IST1: variants seen among roughly 807,000 people sequenced by gnomAD.
IST1 encodes IST1 homolog.
Under a neutral mutation model 37.0 loss-of-function variants are expected in IST1, and 23 were observed. That is an observed-to-expected ratio of 0.62 (90% CI 0.45 to 0.88). The LOEUF (loss-of-function observed/expected upper bound fraction) is 0.88. IST1 is among the 40% of genes least tolerant of loss of function. The probability of loss-of-function intolerance (pLI) is 0.00; values close to 1 mark genes in which losing one functional copy is unlikely to be tolerated. For missense variants in IST1, 488 were observed against 445.4 expected (o/e 1.10, Z -0.86); for synonymous variants, 180 against 161.7 (o/e 1.11, Z -0.86).
At chr16:71,925,521 G>T (rs1211308764) in intron 9 of IST1, among the ~76,000 whole-genome samples, 1 of 150,294 alleles carries the variant, frequency 6.7e-6, no homozygotes, top group Non-Finnish European at 1.5e-5. Flanking sequence ...TCACCACGTT[G>T]GTCAGGCTGG....
At chr16:71,915,151 A>T (rs2142565370) in intron 1 of IST1, among the ~76,000 whole-genome samples, 1 of 152,208 alleles carries the variant, frequency 6.6e-6, no homozygotes, top group Non-Finnish European at 1.5e-5. Flanking sequence ...AGATGAAAAT[A>T]TTTTCAATTA....
In IST1 at chr16:71,927,984, G is replaced by T. The variant is rs1305249696; in HGVS notation, c.*171G>T. 1.7e-6 allele frequency: 1 copy of T among 598,226 alleles called. No individual in the cohort carries two copies. Among genetic ancestry groups the T allele is most frequent in the Non-Finnish European group, 3.0e-6 (1 of 336,590 alleles). The allele number at this position is 598,226 out of a possible 1,614,324, so 37.1% of individuals were successfully genotyped here. A position where few individuals can be genotyped will look rare whatever the true frequency, so the allele number is the denominator to read the frequency against. ...AGATTCTGCTGCTTTCCAGTTCTCT[G>T]TTGATCCTGAGACTAACAATTGGAG... is the stretch of plus-strand genomic sequence containing the variant. On this transcript the variant is annotated 3_prime_UTR_variant, in exon 10 of 10. Coordinates refer to ENST00000378799, the MANE Select transcript of IST1 (RefSeq NM_001270975.2).
intron 7 of IST1, 145 bp from the exon 8 acceptor site, chr16:71,923,143 C>G (rs1034485957): frequency 2.0e-6 from 1 of 500,424 alleles, no homozygotes; most frequent in Non-Finnish European, 3.5e-6. Flanking sequence ...ACATGTGGTC[C>G]TTTTGGGCAT....
At chr16:71,910,122 G>C (rs1460178387) in intron 1 of IST1, among the ~76,000 whole-genome samples, 2 of 152,192 alleles carry the variant, frequency 1.3e-5, no homozygotes, top group Admixed American at 6.5e-5. Context: ...CTTTGGTCAA[G>C]TGTGGTCTAA....
intron 1 of IST1, among the ~76,000 whole-genome samples, chr16:71,897,693 C>T (rs1471560810): frequency 6.6e-6 from 1 of 152,154 alleles, no homozygotes. Flanking sequence ...CGCCTGTAAT[C>T]CCAGCACTTT....
At chr16:71,917,775 C>A (rs562446771) in intron 4 of IST1, among the ~76,000 whole-genome samples, 2 of 152,168 alleles carry the variant, frequency 1.3e-5, no homozygotes, top group Non-Finnish European at 1.5e-5. Flanking sequence ...AGGTTTTTTT[C>A]AAGAGCTCTT....
chr16:71,894,847 T>G (rs1313796275), upstream of IST1: 1 of 1,533,870 alleles, frequency 6.5e-7, no homozygotes, highest in Non-Finnish European at 8.7e-7. Context: ...GGTTTTCAAG[T>G]TAAAAACAAA....
intron 1 of IST1, among the ~76,000 whole-genome samples, chr16:71,896,165 G>C (rs1433147306): frequency 1.3e-5 from 2 of 152,072 alleles, no homozygotes; most frequent in Non-Finnish European, 2.9e-5. Flanking sequence ...CCGCTTTCTC[G>C]GATCCCTGCG....
intron 4 of IST1, among the ~76,000 whole-genome samples, chr16:71,920,263 G>C (rs1372911638): frequency 6.6e-6 from 1 of 152,166 alleles, no homozygotes; most frequent in Non-Finnish European, 1.5e-5. Context: ...AGATATCTTG[G>C]TTAAAGTACA....
At position 71,929,672 on chromosome 16, in the gene IST1, CTTCT is replaced by C. The variant is rs778156244; in HGVS notation, c.*1864_*1867del. 14 of 1,544,690 alleles carry C rather than the reference CTTCT, an allele frequency of 9.1e-6. No homozygotes were observed. Among genetic ancestry groups the C allele is most frequent in the South Asian group, 7.3e-5 (6 of 82,220 alleles). Reference sequence around the variant, plus strand: ...TGTAGCAGTGTATCTATTAGTGCAGCTTCTTTCTGAGTATTGAAGACAAAAAGAG... The same window carrying C: ...TGTAGCAGTGTATCTATTAGTGCAGCTTCTGAGTATTGAAGACAAAAAGAG... On this transcript the variant is annotated 3_prime_UTR_variant, in exon 10 of 10. Coordinates refer to ENST00000378799, the MANE Select transcript of IST1 (RefSeq NM_001270975.2).
chr16:71,916,750 GC>G, intron 3 of IST1, 108 bp downstream of exon 3: 4 of 925,768 alleles, frequency 4.3e-6, no homozygotes, highest in South Asian at 1.9e-5. Context: ...AGGATCTGCT[GC>G]CTAACAGTTG....
chr16:71,914,547 A>G (rs918255205), intron 1 of IST1, among the ~76,000 whole-genome samples: 1 of 152,184 alleles, frequency 6.6e-6, no homozygotes, highest in African/African-American at 2.4e-5. Flanking sequence ...GCATGGATTG[A>G]ACATAATTTA....
intron 9 of IST1, among the ~76,000 whole-genome samples, chr16:71,926,539 G>C (rs533365896): frequency 4.6e-5 from 7 of 151,698 alleles, no homozygotes; most frequent in Non-Finnish European, 1.0e-4. Context: ...GTAGAGATGG[G>C]GTTTCACCAT....
Position 71,924,712 on chromosome 16 carries a change from G to A in IST1, c.853-57G>A, listed in dbSNP as rs762994034. On this transcript the variant is annotated intron_variant, in intron 8 of 9. Transcript: ENST00000378799. ...TTTGGAAACACAGGGGCTTACACCA[G>A]TACTTTCTCCAGTGACACTATTGCT... 72 of 1,329,776 alleles carry A rather than the reference G, an allele frequency of 5.4e-5. No homozygotes were observed. In the Middle Eastern group the frequency reaches 1.3e-3, roughly 23 times the overall value. 82.4% of individuals were successfully genotyped at this position (1,329,776 alleles called of 1,614,324 possible).
chr16:71,899,049 C>G (rs2037043504), intron 1 of IST1, among the ~76,000 whole-genome samples: 1 of 151,232 alleles, frequency 6.6e-6, no homozygotes, highest in Non-Finnish European at 1.5e-5. Flanking sequence ...TTATTGAGAA[C>G]AAGATGAAGA....
chr16:71,924,162 G>A (rs28542993), intron 8 of IST1: 10 of 455,906 alleles, frequency 2.2e-5, no homozygotes, highest in African/African-American at 4.0e-5. Flanking sequence ...ACCCACAGCC[G>A]TTGGTAGGAA....
At chr16:71,920,912 G>A (rs756404287) in intron 5 of IST1, 90 bp downstream of exon 5, 5 of 919,862 alleles carry the variant, frequency 5.4e-6, no homozygotes, top group Admixed American at 1.7e-5. Context: ...CCACTGTATT[G>A]CTCAGTATGG....
chr16:71,896,828 A>G (rs1274677262), intron 1 of IST1, among the ~76,000 whole-genome samples: 1 of 152,066 alleles, frequency 6.6e-6, no homozygotes, highest in Non-Finnish European at 1.5e-5. Flanking sequence ...AAAAATAAAA[A>G]CAGCCAGGCG....
Position 71,924,788 on chromosome 16 carries a change from A to G in IST1, c.872A>G (p.Asp291Gly), listed in dbSNP as rs1281629316. ...TTTCAGGTAGATGACATTAATGCTGATAAGAATATCTCTTCTGCACAGATT... is the reference window on the plus strand; with the variant it reads ...TTTCAGGTAGATGACATTAATGCTGGTAAGAATATCTCTTCTGCACAGATT... ...SYESVDDINA[D>G]KNISSAQIVG... Residue 291 changes from aspartate (D) to glycine (G), a missense_variant, in exon 9 of 10, where the codon GAT becomes GGT. Around this residue, in one of 2 missense-constraint regions of IST1, gnomAD observed 455 missense variants for 386.2 expected, o/e 1.18. Coordinates refer to ENST00000378799, the MANE Select transcript of IST1 (RefSeq NM_001270975.2). 1.2e-6 allele frequency: 2 copies of G among 1,610,430 alleles called. No homozygotes were observed. The highest frequency in any genetic ancestry group is 2.2e-5 in the East Asian group (1 of 44,872).
Sources: allele counts gnomAD v4.1 joint callset (sites outside exome capture counted in the v4.1 genomes callset), GRCh38; gene constraint gnomAD v4.1.1; regional missense constraint gnomAD v4.1.1; transcripts MANE v1.5; gene names NCBI Gene and HGNC (gene_info 2026-07-23, HGNC 2026-07-21).